Variants in NBAS observed in about 807,000 individuals in gnomAD.
NBAS encodes NAG/BC035112 fusion.
A neutral mutation model predicts 302.5 loss-of-function variants in NBAS; 219 were observed. The observed-to-expected ratio is 0.72, with a 90% CI of 0.65 to 0.81. The LOEUF (loss-of-function observed/expected upper bound fraction) is 0.81. Ranked by LOEUF, NBAS falls within the 30% of genes least tolerant of loss-of-function variation. NBAS has a pLI of 0.00. For synonymous variants in NBAS, 1,118 were observed against 1,021.6 expected (o/e 1.09, Z -1.80); for missense variants, 2,932 against 2,841.6 (o/e 1.03, Z -0.72).
chr2:15,129,883 C>T, the NBAS span, among the ~76,000 whole-genome samples: 1 of 152,242 alleles, frequency 6.6e-6, no homozygotes, highest in Non-Finnish European at 1.5e-5. Context: ...GTCCTCACAG[C>T]ACCTCATACA....
Position 15,308,286 on chromosome 2 carries a change from T to C in NBAS, c.4727A>G (p.Tyr1576Cys). 1 of 1,614,200 alleles carries C rather than the reference T, an allele frequency of 6.2e-7. No individual in the cohort carries two copies. Among genetic ancestry groups the C allele is most frequent in the Non-Finnish European group, 8.5e-7 (1 of 1,180,032 alleles). The change falls in exon 40 of 52, where the codon TAT becomes TGT. Residue 1576 changes from tyrosine (Y) to cysteine (C), a missense_variant. Physicochemically the swap from Tyr to Cys is radical, Grantham distance 194. Coordinates refer to ENST00000281513, the MANE Select transcript of NBAS (RefSeq NM_015909.4). ...PSALSLQLAA[Y>C]YYSLQIYARL... ...GGCATAGATCTGGAGGCTATAGTAA[T>C]ACGCTGCCAGCTGGAGAGATAATGC...
intron 44 of NBAS, among the ~76,000 whole-genome samples, chr2:15,250,352 TAAA>T (rs1668304797): frequency 6.6e-6 from 1 of 152,096 alleles, no homozygotes; most frequent in South Asian, 2.1e-4. Flanking sequence ...CCTAAAACCA[TAAA>T]AACCCTAGAA....
chr2:15,230,360 A>G (rs999758598), intron 47 of NBAS, among the ~76,000 whole-genome samples: 3 of 140,216 alleles, frequency 2.1e-5, no homozygotes, highest in Non-Finnish European at 4.6e-5. Flanking sequence ...AATAAAAGTT[A>G]TGGCTTTGTT....
At chr2:15,085,427 C>T in the NBAS span, among the ~76,000 whole-genome samples, 149 of 152,212 alleles carry the variant, frequency 9.8e-4, no homozygotes, top group African/African-American at 3.6e-3. Flanking sequence ...GGCCTGGGGC[C>T]CGATCCCCTC....
chr2:14,987,472 A>AT, the NBAS span, among the ~76,000 whole-genome samples: 6 of 149,102 alleles, frequency 4.0e-5, no homozygotes, highest in Admixed American at 4.0e-4. Flanking sequence ...TCTTATGACA[A>AT]ATATATATAT....
intron 33 of NBAS, among the ~76,000 whole-genome samples, chr2:15,354,798 A>T (rs1385812263): frequency 6.6e-6 from 1 of 152,152 alleles, no homozygotes; most frequent in African/African-American, 2.4e-5. Context: ...TTTTAGCAAA[A>T]ATCCTACTAA....
the NBAS span, among the ~76,000 whole-genome samples, chr2:15,064,564 G>T: frequency 1.3e-5 from 2 of 151,224 alleles, no homozygotes; most frequent in Non-Finnish European, 3.0e-5. Context: ...TGAGAAGACC[G>T]AATCAGTAAT....
chr2:15,238,377 A>G, intron 45 of NBAS, 91 bp downstream of exon 45: 1 of 1,312,576 alleles, frequency 7.6e-7, no homozygotes, highest in South Asian at 1.3e-5. Context: ...CAAGCCTGAA[A>G]ACCCTGTCAA....
the NBAS span, among the ~76,000 whole-genome samples, chr2:14,829,599 A>T: frequency 6.6e-6 from 1 of 152,298 alleles, no homozygotes; most frequent in East Asian, 1.9e-4. Context: ...TTGTCCTATT[A>T]CCTTCCCACC....
chr2:14,937,534 A>C, the NBAS span, among the ~76,000 whole-genome samples: 1 of 152,132 alleles, frequency 6.6e-6, no homozygotes, highest in Non-Finnish European at 1.5e-5. Context: ...AAAGCAGTCC[A>C]CCCTGAGTCT....
At chr2:15,138,191 C>A in the NBAS span, among the ~76,000 whole-genome samples, 1 of 151,930 alleles carries the variant, frequency 6.6e-6, no homozygotes, top group African/African-American at 2.4e-5. Context: ...GGACAGCTAG[C>A]GAAAGTAAGA....
chr2:15,164,479 C>G (rs1413996321), downstream of NBAS, among the ~76,000 whole-genome samples: 2 of 152,202 alleles, frequency 1.3e-5, no homozygotes, highest in African/African-American at 2.4e-5. Flanking sequence ...AACTGAGGCT[C>G]AGAGAGAGAG....
At chr2:14,906,170 A>G in the NBAS span, among the ~76,000 whole-genome samples, 1 of 152,182 alleles carries the variant, frequency 6.6e-6, no homozygotes, top group Non-Finnish European at 1.5e-5. Context: ...TAGCAGCGGC[A>G]GCAGCAGCCA....
At chr2:15,020,793 T>C in the NBAS span, among the ~76,000 whole-genome samples, 2 of 152,290 alleles carry the variant, frequency 1.3e-5, no homozygotes, top group Admixed American at 6.5e-5. Flanking sequence ...CTTGTCAATG[T>C]GGGTGTAGGA....
At chr2:15,371,056 C>T (rs1367036428) in intron 31 of NBAS, among the ~76,000 whole-genome samples, 1 of 152,092 alleles carries the variant, frequency 6.6e-6, no homozygotes, top group Non-Finnish European at 1.5e-5. Flanking sequence ...GAGGGAATGA[C>T]CTGGTGGAAG....
At chr2:15,150,316 A>T in the NBAS span, among the ~76,000 whole-genome samples, 2 of 152,196 alleles carry the variant, frequency 1.3e-5, no homozygotes, top group African/African-American at 4.8e-5. Context: ...CTAACCTAAC[A>T]TCAAGGAGAA....
At chr2:14,873,560 CTA>C in the NBAS span, among the ~76,000 whole-genome samples, 6 of 151,854 alleles carry the variant, frequency 4.0e-5, no homozygotes, top group Non-Finnish European at 7.4e-5. Flanking sequence ...CCAGGATAGA[CTA>C]TGTGATAAAA....
At chr2:15,291,254 C>G (rs1403028388) in intron 41 of NBAS, among the ~76,000 whole-genome samples, 3 of 152,188 alleles carry the variant, frequency 2.0e-5, no homozygotes, top group Non-Finnish European at 4.4e-5. Flanking sequence ...TTCTCACCAT[C>G]TATGGAACTT....
At chr2:14,881,021 A>C in the NBAS span, among the ~76,000 whole-genome samples, 49,748 of 151,842 alleles carry the variant, frequency 0.33, 8,288 homozygotes, top group Non-Finnish European at 0.35. Context: ...TGAGTGAAAA[A>C]AAGTTCTTTA....
Sources: gnomAD v4.1 joint callset for allele counts (sites outside exome capture counted in the v4.1 genomes callset) on GRCh38, gnomAD v4.1.1 for gene constraint, MANE v1.5 for transcripts, NCBI Gene and HGNC (gene_info 2026-07-23, HGNC 2026-07-21) for gene names.